The following RBL1 variants were observed in gnomAD, a reference collection of about 807,000 sequenced individuals.
RBL1 encodes RB transcriptional corepressor like 1.
A neutral mutation model predicts 123.0 loss-of-function variants in RBL1; 82 were observed. The observed-to-expected ratio is 0.67, with a 90% CI of 0.56 to 0.80. The LOEUF (loss-of-function observed/expected upper bound fraction) is 0.80. RBL1 is among the 30% of genes least tolerant of loss of function. RBL1 has a pLI of 0.00. For missense variants in RBL1, 1,171 were observed against 1,299.6 expected (o/e 0.90, Z 1.52); for synonymous variants, 405 against 441.3 (o/e 0.92, Z 1.03).
At chr20:37,022,871 A>G (rs1427393779) in intron 16 of RBL1, 45 bp from the exon 17 acceptor site, 6 of 1,443,660 alleles carry the variant, frequency 4.2e-6, no homozygotes, top group Non-Finnish European at 5.7e-6. Context: ...CAAGTAAATC[A>G]TTTCTCAAAT....
intron 16 of RBL1, among the ~76,000 whole-genome samples, chr20:37,031,952 C>T (rs1242242156): frequency 6.1e-5 from 9 of 146,364 alleles, no homozygotes; most frequent in African/African-American, 2.3e-4. Context: ...CTCACTGTGT[C>T]GCCCAGGGTG....
intron 1 of RBL1, among the ~76,000 whole-genome samples, chr20:37,095,247 A>G (rs113445154): frequency 2.6e-5 from 4 of 152,248 alleles, no homozygotes; most frequent in East Asian, 1.9e-4. Flanking sequence ...ACCCTGGTGA[A>G]GCAGAGGGTG....
chr20:37,043,084 G>A (rs1322660891), intron 13 of RBL1, among the ~76,000 whole-genome samples: 1 of 151,904 alleles, frequency 6.6e-6, no homozygotes, highest in Non-Finnish European at 1.5e-5. Context: ...TGAGATGGGA[G>A]GACTGCTTGA....
intron 1 of RBL1, among the ~76,000 whole-genome samples, chr20:37,091,194 T>C (rs2065640338): frequency 6.6e-6 from 1 of 151,720 alleles, no homozygotes; most frequent in African/African-American, 2.4e-5. Context: ...CCGTCTCTAC[T>C]AAAAAATACA....
chr20:37,046,734 AAGCAGCTGAGATTAC>A (rs2064823983), intron 12 of RBL1, among the ~76,000 whole-genome samples: 1 of 151,344 alleles, frequency 6.6e-6, no homozygotes, highest in African/African-American at 2.4e-5. Context: ...TCAGCCTCTC[AAGCAGCTGAGATTAC>A]AGGTGCTCGC....
chr20:37,079,234 A>G (rs1046932541), intron 2 of RBL1, among the ~76,000 whole-genome samples: 4 of 150,542 alleles, frequency 2.7e-5, no homozygotes, highest in Admixed American at 6.6e-5. Context: ...CTCAAATGCC[A>G]TAACAGCAGT....
At chr20:37,041,609 C>T (rs1339616222) in intron 13 of RBL1, among the ~76,000 whole-genome samples, 1 of 152,152 alleles carries the variant, frequency 6.6e-6, no homozygotes, top group East Asian at 1.9e-4. Context: ...AGTCATGAGC[C>T]ACTGCACCAG....
At chr20:37,084,591 C>T (rs6130488) in intron 2 of RBL1, among the ~76,000 whole-genome samples, 21,077 of 151,978 alleles carry the variant, frequency 0.14, 2,187 homozygotes, top group East Asian at 0.48. Flanking sequence ...CCCAGCTACT[C>T]GGGAGGCTGA....
rs551658335 is a variant in RBL1 at position 37,003,731 on chromosome 20, G to A, written c.3007C>T (p.Leu1003=). The A allele has an allele frequency of 6.2e-7, 1 of 1,613,502 alleles. No individual in the cohort carries two copies. Among genetic ancestry groups the A allele is most frequent in the African/African-American group, 1.3e-5 (1 of 74,976 alleles). ...GAAGGGCTGCCATTGAACTTGTACAGCAGAGCGCTTCTTGGTGTAAGGCCT... is the reference window on the plus strand; with the variant it reads ...GAAGGGCTGCCATTGAACTTGTACAACAGAGCGCTTCTTGGTGTAAGGCCT... ...GSGLTPRSAL[L]YKFNGSPSKS... The change falls in exon 21 of 22, where the codon CTG becomes TTG. Residue 1003 remains leucine (L), a synonymous_variant. Coordinates refer to ENST00000373664, the MANE Select transcript of RBL1 (RefSeq NM_002895.5).
At chr20:37,061,312 C>A in intron 8 of RBL1, 43 bp from the exon 9 acceptor site, 14 of 1,594,836 alleles carry the variant, frequency 8.8e-6, no homozygotes, top group Non-Finnish European at 1.1e-5. Flanking sequence ...AAGTTACCAT[C>A]TTCCTTATTA....
intron 16 of RBL1, among the ~76,000 whole-genome samples, chr20:37,030,667 C>T (rs1383713848): frequency 1.3e-5 from 2 of 152,026 alleles, no homozygotes; most frequent in Admixed American, 1.3e-4. Context: ...CCAGCCAAAC[C>T]AGCACGGTGA....
At chr20:37,030,585 T>C (rs1038690624) in intron 16 of RBL1, among the ~76,000 whole-genome samples, 3 of 151,700 alleles carry the variant, frequency 2.0e-5, no homozygotes, top group African/African-American at 7.3e-5. Context: ...CCCGGCGTGG[T>C]GGCTCACACC....
At chr20:37,008,004 ATCCATCTGTATTACTT>A (rs2064102979) in intron 19 of RBL1, among the ~76,000 whole-genome samples, 1 of 152,250 alleles carries the variant, frequency 6.6e-6, no homozygotes, top group Non-Finnish European at 1.5e-5. Context: ...AGGTTCAGCA[ATCCATCTGTATTACTT>A]ATAAGTCAAA....
At chr20:37,090,178 A>G (rs1328868505) in intron 1 of RBL1, among the ~76,000 whole-genome samples, 1 of 152,262 alleles carries the variant, frequency 6.6e-6, no homozygotes, top group Admixed American at 6.5e-5. Flanking sequence ...TATAGTGTTC[A>G]GTACAGAAAC....
chr20:37,071,572 C>G (rs1156243418), intron 2 of RBL1, among the ~76,000 whole-genome samples: 3 of 152,180 alleles, frequency 2.0e-5, no homozygotes, highest in Non-Finnish European at 4.4e-5. Context: ...AGGAGGATCA[C>G]TTGAGCCTGA....
intron 2 of RBL1, among the ~76,000 whole-genome samples, chr20:37,070,142 G>T (rs4266078): frequency 0.24 from 36,133 of 152,090 alleles, 4,686 homozygotes; most frequent in Middle Eastern, 0.37. Flanking sequence ...TTCTTCTGCC[G>T]TGGGATCCTG....
At chr20:37,018,170 C>T (rs2064286455) in intron 19 of RBL1, 109 bp downstream of exon 19, 1 of 1,241,230 alleles carries the variant, frequency 8.1e-7, no homozygotes, top group Non-Finnish European at 1.1e-6. Flanking sequence ...ATGCATTGTC[C>T]ACCTCACCTC....
At chr20:37,084,633 G>C (rs575982802) in intron 2 of RBL1, among the ~76,000 whole-genome samples, 135 of 152,180 alleles carry the variant, frequency 8.9e-4, no homozygotes, top group Admixed American at 1.6e-3. Context: ...GTGATGTCTA[G>C]GCTGTAGTGA....
Position 37,049,624 on chromosome 20 carries a change from G to A in RBL1, c.1468-2434C>T, listed in dbSNP as rs905201974. The A allele has an allele frequency of 4.0e-6, 3 of 757,376 alleles. No individual in the cohort carries two copies. The Admixed American group carries it at 5.1e-5, about 13-fold the overall frequency. The allele number at this position is 757,376 out of a possible 1,614,324, so 46.9% of individuals were successfully genotyped here. A position where few individuals can be genotyped will look rare whatever the true frequency, so the allele number is the denominator to read the frequency against. On this transcript the variant is annotated intron_variant, in intron 11 of 21. Coordinates refer to ENST00000373664, the MANE Select transcript of RBL1 (RefSeq NM_002895.5). ...GTGCCCTTCTGATGAATGTGGTGCT[G>A]GAGTGTTTATGGCAAGCCACTTTGA...
Sources: allele counts gnomAD v4.1 joint callset (sites outside exome capture counted in the v4.1 genomes callset), GRCh38; gene constraint gnomAD v4.1.1; transcripts MANE v1.5; gene names NCBI Gene and HGNC (gene_info 2026-07-23, HGNC 2026-07-21).